Variants in MIA2 observed in about 807,000 individuals in gnomAD.
MIA2 encodes the protein melanoma inhibitory activity protein 2.
A neutral mutation model predicts 167.8 loss-of-function variants in MIA2; 127 were observed. The ratio of observed to expected loss-of-function variants is 0.76; its 90% CI spans 0.66 to 0.88. MIA2 has a LOEUF of 0.88. Ranked by LOEUF, MIA2 falls within the 40% of genes least tolerant of loss-of-function variation. MIA2 has a pLI of 0.00. For synonymous variants in MIA2, 552 were observed against 541.9 expected, an observed-to-expected ratio of 1.02 and a Z score of -0.26; for missense variants, 1,690 against 1,624.7, an observed-to-expected ratio of 1.04 and a Z score of -0.69.
chr14:39,266,664 C>T, intron 6 of MIA2: 1 of 985,590 alleles, frequency 1.0e-6, no homozygotes, highest in Non-Finnish European at 1.2e-6. Flanking sequence ...GGCGCGTGCC[C>T]CGCAGGCCAT....
chr14:39,337,110 AG>A (rs1373413222), intron 25 of MIA2, among the ~76,000 whole-genome samples: 1 of 152,204 alleles, frequency 6.6e-6, no homozygotes, highest in East Asian at 1.9e-4. Context: ...TATATTATAT[AG>A]TGACATAACC....
chr14:39,285,338 C>A (rs1338018237), intron 9 of MIA2, among the ~76,000 whole-genome samples: 2 of 151,474 alleles, frequency 1.3e-5, no homozygotes, highest in African/African-American at 4.8e-5. Context: ...CGGGCAGAGG[C>A]GCCCCCCCAC....
intron 13 of MIA2, 49 bp from the exon 14 acceptor site, chr14:39,299,815 A>C: frequency 6.4e-7 from 1 of 1,562,512 alleles, no homozygotes; most frequent in South Asian, 1.2e-5. Flanking sequence ...GGTATCTTTT[A>C]ATGATTCACT....
intron 25 of MIA2, among the ~76,000 whole-genome samples, chr14:39,339,966 C>T (rs575321316): frequency 6.6e-6 from 1 of 152,288 alleles, no homozygotes; most frequent in East Asian, 1.9e-4. Flanking sequence ...CTGCTTTAGC[C>T]TCCCAAGTGG....
chr14:39,295,402 C>T (rs1260697789), intron 13 of MIA2, among the ~76,000 whole-genome samples: 2 of 151,930 alleles, frequency 1.3e-5, no homozygotes, highest in Non-Finnish European at 2.9e-5. Flanking sequence ...TGACATTTGC[C>T]CTCTTTCTCC....
At chr14:39,343,668 T>A (rs758918537) in intron 25 of MIA2, among the ~76,000 whole-genome samples, 26 of 152,194 alleles carry the variant, frequency 1.7e-4, no homozygotes, top group Non-Finnish European at 3.1e-4. Flanking sequence ...AATACTATTA[T>A]AGAAAACAAA....
Position 39,303,513 on chromosome 14 carries a change from C to T in MIA2, c.2776C>T (p.His926Tyr). 2 of 1,610,502 alleles carry T rather than the reference C, an allele frequency of 1.2e-6. No individual in the cohort carries two copies. Among genetic ancestry groups the T allele is most frequent in the Admixed American group, 1.7e-5 (1 of 59,752 alleles). Residue 926 changes from histidine to tyrosine, a missense_variant, in exon 16 of 29, where the codon CAT becomes TAT. Coordinates refer to ENST00000640607, the MANE Select transcript of MIA2 (RefSeq NM_001329214.4). ...PPKGALKKLI[H>Y]AAKLNASLKT... is the part of the protein sequence containing the mutation. ...AAAAGGAGCTTTGAAGAAACTGATT[C>T]ATGCTGCTAAGGTTTGTGCTATTAG...
intron 14 of MIA2, 50 bp downstream of exon 14, chr14:39,300,036 TAACTCTGA>T: frequency 6.4e-7 from 1 of 1,562,764 alleles, no homozygotes; most frequent in Non-Finnish European, 8.6e-7. Flanking sequence ...AATTTTACAC[TAACTCTGA>T]AATTTGAAAG....
chr14:39,373,063 A>G (rs1243719161), intron 23 of MIA2, among the ~76,000 whole-genome samples: 1 of 152,212 alleles, frequency 6.6e-6, no homozygotes, highest in African/African-American at 2.4e-5. Context: ...AAGGTGATGG[A>G]TATCCCAGTT....
intron 25 of MIA2, among the ~76,000 whole-genome samples, chr14:39,337,005 C>G (rs1255481386): frequency 6.6e-6 from 1 of 152,174 alleles, no homozygotes; most frequent in East Asian, 1.9e-4. Context: ...GTCCTCCCTC[C>G]TCAGCCTCCT....
chr14:39,311,001 G>T (rs1025267884), intron 18 of MIA2, among the ~76,000 whole-genome samples: 1 of 152,142 alleles, frequency 6.6e-6, no homozygotes, highest in Non-Finnish European at 1.5e-5. Flanking sequence ...TGAGGTGAAA[G>T]AAATATTTTT....
At chr14:39,289,310 G>T (rs2060399842) in intron 9 of MIA2, among the ~76,000 whole-genome samples, 1 of 151,916 alleles carries the variant, frequency 6.6e-6, no homozygotes, top group African/African-American at 2.4e-5. Flanking sequence ...CGCCTCATGG[G>T]CTCAAGTGAT....
rs1323057593 is a variant in MIA2, at chr14:39,247,061, C to G, written c.487C>G (p.Pro163Ala). ...ATATGAAAGTGATTTTCAGATAGAA[C>G]CTGGATTTTATGCAACTTATGAAAG... Reference protein sequence around the residue: ...SIYESDFQIEPGFYATYESTL... With the variant: ...SIYESDFQIEAGFYATYESTL... The change falls in exon 4 of 29, where the codon CCT (proline) becomes GCT (alanine). Residue 163 changes from proline (P) to alanine (A), a missense_variant. Physicochemically the swap from Pro to Ala is conservative, Grantham distance 27. Transcript: ENST00000640607. The G allele has an allele frequency of 6.2e-7, 1 of 1,606,318 alleles. No homozygotes were observed. The highest frequency in any genetic ancestry group is 1.1e-5 in the South Asian group (1 of 89,022).
rs566777517 is a variant in MIA2 at position 39,260,967 on chromosome 14, C to T, written c.1887+7796C>T. Among the ~76,000 whole-genome samples, 115 of 151,948 alleles carry T rather than the reference C, an allele frequency of 7.6e-4. 3 individuals carry two copies. The highest frequency in any genetic ancestry group is 8.7e-4 in the Non-Finnish European group (59 of 67,998). On this transcript the variant is annotated intron_variant, in intron 6 of 28. Coordinates refer to ENST00000640607, the MANE Select transcript of MIA2 (RefSeq NM_001329214.4). ...CAGCACCATTTATTAAATAGGGGAT[C>T]CTTTCCCCGTTTCTTGTTTTTTTTT...
intron 23 of MIA2, among the ~76,000 whole-genome samples, chr14:39,366,468 G>T (rs1595948376): frequency 6.6e-6 from 1 of 152,164 alleles, no homozygotes; most frequent in South Asian, 2.1e-4. Flanking sequence ...AAATGGCTGT[G>T]TTGGGCTGGG....
chr14:39,364,202 AC>A (rs1413103713), intron 23 of MIA2, among the ~76,000 whole-genome samples: 3 of 152,120 alleles, frequency 2.0e-5, no homozygotes, highest in Non-Finnish European at 2.9e-5. Flanking sequence ...TACTAAAAAT[AC>A]AAAAATTAGC....
chr14:39,374,350 A>T (rs2075007361), intron 23 of MIA2, among the ~76,000 whole-genome samples: 2 of 152,228 alleles, frequency 1.3e-5, no homozygotes, highest in African/African-American at 2.4e-5. Flanking sequence ...AGGACAAATT[A>T]CCTATAAACA....
At chr14:39,308,066 T>C (rs913664459) in intron 17 of MIA2, among the ~76,000 whole-genome samples, 8 of 152,284 alleles carry the variant, frequency 5.3e-5, no homozygotes, top group African/African-American at 1.2e-4. Flanking sequence ...TATATTTATA[T>C]TTCTTTTTCT....
At chr14:39,318,581 C>T (rs1367607250) in intron 22 of MIA2, among the ~76,000 whole-genome samples, 3 of 151,980 alleles carry the variant, frequency 2.0e-5, no homozygotes, top group Non-Finnish European at 2.9e-5. Flanking sequence ...GTTTTTAGTC[C>T]TCTTGCTTGT....
Sources: allele counts gnomAD v4.1 joint callset (sites outside exome capture counted in the v4.1 genomes callset), GRCh38; gene constraint gnomAD v4.1.1; transcripts MANE v1.5; gene names NCBI Gene and HGNC (gene_info 2026-07-23, HGNC 2026-07-21).